The following AKT3 variants were observed in gnomAD, a reference collection of about 807,000 sequenced individuals.
AKT3 encodes RAC-gamma serine/threonine-protein kinase.
In AKT3, 15 loss-of-function variants were observed where a neutral mutation model predicts 65.3. That is an observed-to-expected ratio of 0.23 (90% CI 0.15 to 0.35). The LOEUF (loss-of-function observed/expected upper bound fraction) is 0.35. Among genes scored for constraint, AKT3 ranks in the 10% least tolerant of loss-of-function variants. The probability of loss-of-function intolerance (pLI) is 1.00; values close to 1 mark genes in which losing one functional copy is unlikely to be tolerated. For missense variants in AKT3, 243 were observed against 576.5 expected, an observed-to-expected ratio of 0.42 and a Z score of 5.92; for synonymous variants, 206 against 183.8, an observed-to-expected ratio of 1.12 and a Z score of -0.98.
intron 2 of AKT3, among the ~76,000 whole-genome samples, chr1:243,770,545 T>C (rs781333723): frequency 2.6e-5 from 4 of 152,090 alleles, no homozygotes; most frequent in Admixed American, 6.6e-5. Context: ...AAGACAGAGA[T>C]AGGCATGTAT....
intron 3 of AKT3, among the ~76,000 whole-genome samples, chr1:243,680,047 G>A (rs1227392507): frequency 2.0e-5 from 3 of 152,100 alleles, no homozygotes; most frequent in African/African-American, 7.2e-5. Flanking sequence ...CTTTATCAGT[G>A]TGCTTTTGGA....
intron 2 of AKT3, among the ~76,000 whole-genome samples, chr1:243,725,159 T>C (rs995363272): frequency 4.0e-5 from 6 of 151,072 alleles, no homozygotes; most frequent in African/African-American, 1.5e-4. Context: ...ATAAGGCCAC[T>C]GCATTCCAGC....
At position 243,649,862 on chromosome 1, in the gene AKT3, C is replaced by T. The variant is rs183758330; in HGVS notation, c.285-3825G>A. Reference sequence around the variant, plus strand: ...AAGTCTTTGCTATTGTGAATAGTGCCGCAATAAACATACGTGTGCATGTGT... The same window carrying T: ...AAGTCTTTGCTATTGTGAATAGTGCTGCAATAAACATACGTGTGCATGTGT... On this transcript the variant is annotated intron_variant, in intron 4 of 13. Transcript: ENST00000673466. Among the ~76,000 whole-genome samples the T allele has an allele frequency of 9.4e-4, 143 of 152,132 alleles. 1 individual carries two copies. Among genetic ancestry groups the T allele is most frequent in the South Asian group, 2.3e-3 (11 of 4,798 alleles).
chr1:243,737,047 G>A (rs1414729115), intron 2 of AKT3, among the ~76,000 whole-genome samples: 3 of 152,072 alleles, frequency 2.0e-5, no homozygotes, highest in African/African-American at 7.3e-5. Flanking sequence ...CCAGAAAGGT[G>A]CAAGAGTCCT....
At chr1:243,710,145 T>C (rs978645130) in intron 2 of AKT3, among the ~76,000 whole-genome samples, 2 of 152,164 alleles carry the variant, frequency 1.3e-5, no homozygotes, top group Admixed American at 6.5e-5. Flanking sequence ...AATTCAAATA[T>C]ACATTAAAGC....
chr1:243,639,618 T>A (rs1205733770), intron 5 of AKT3, among the ~76,000 whole-genome samples: 1 of 152,192 alleles, frequency 6.6e-6, no homozygotes, highest in Non-Finnish European at 1.5e-5. Context: ...ACAAATGCCA[T>A]GACATATCGG....
chr1:243,551,815 TATGA>T (rs1467628027), intron 11 of AKT3, among the ~76,000 whole-genome samples: 5 of 152,124 alleles, frequency 3.3e-5, no homozygotes, highest in East Asian at 1.9e-4. Flanking sequence ...AATTTATAAA[TATGA>T]ATGAATGTAT....
At chr1:243,509,864 A>G (rs1669911662) in intron 13 of AKT3, among the ~76,000 whole-genome samples, 1 of 152,052 alleles carries the variant, frequency 6.6e-6, no homozygotes, top group Non-Finnish European at 1.5e-5. Flanking sequence ...CTGCTTTTCC[A>G]GGGGACAAAG....
intron 5 of AKT3, 95 bp from the exon 6 acceptor site, chr1:243,637,837 A>G (rs1680088595): frequency 3.9e-6 from 3 of 771,802 alleles, no homozygotes; most frequent in Non-Finnish European, 5.6e-6. Flanking sequence ...ACTCAAAACC[A>G]AATTTTACCA....
In AKT3 at chr1:243,552,288, C is replaced by CAAAAAA. The variant is rs33995513; in HGVS notation, c.1163+435_1163+440dup. ...TGGGTGGCAGAGTGAGACTCTGTCTCAAAAAAAAAAAAAAAAAAAAAAAAA... is the reference window on the plus strand; with the variant it reads ...TGGGTGGCAGAGTGAGACTCTGTCTCAAAAAAAAAAAAAAAAAAAAAAAAAAAAAAA... On this transcript the variant is annotated intron_variant, in intron 11 of 13. Transcript: ENST00000673466. Among the ~76,000 whole-genome samples, 223 of 50,152 alleles carry CAAAAAA rather than the reference C, an allele frequency of 4.4e-3. 61 individuals are homozygous for CAAAAAA. Among genetic ancestry groups the CAAAAAA allele is most frequent in the African/African-American group, 9.1e-3 (91 of 9,964 alleles). The allele number at this position is 50,152 out of a possible 152,430, so 32.9% of individuals were successfully genotyped here. A position where few individuals can be genotyped will look rare whatever the true frequency, so the allele number is the denominator to read the frequency against.
intron 2 of AKT3, among the ~76,000 whole-genome samples, chr1:243,728,505 T>C (rs900276716): frequency 3.9e-5 from 6 of 152,230 alleles, no homozygotes; most frequent in African/African-American, 2.4e-5. Flanking sequence ...TGTGAACTTA[T>C]GGTGTGCTAA....
intron 6 of AKT3, among the ~76,000 whole-genome samples, chr1:243,633,053 C>G (rs1249305074): frequency 2.0e-5 from 3 of 152,108 alleles, no homozygotes; most frequent in African/African-American, 7.2e-5. Flanking sequence ...ATAAGATTAT[C>G]GAAGATTTCT....
At chr1:243,508,590 G>A (rs180863918) in intron 13 of AKT3, among the ~76,000 whole-genome samples, 10 of 150,312 alleles carry the variant, frequency 6.7e-5, no homozygotes, top group Middle Eastern at 3.5e-3. Flanking sequence ...TCTCGTTTCC[G>A]TACTGTCCAG....
At chr1:243,814,639 A>T (rs984432025) in intron 2 of AKT3, 2 of 152,206 alleles carry the variant, frequency 1.3e-5, no homozygotes, top group Non-Finnish European at 2.9e-5. Flanking sequence ...GTTCTCCCCC[A>T]ACCCCACTAC....
intron 8 of AKT3, among the ~76,000 whole-genome samples, chr1:243,594,860 A>G (rs979673588): frequency 1.3e-5 from 2 of 152,184 alleles, no homozygotes; most frequent in Admixed American, 1.3e-4. Context: ...GATTACAGGT[A>G]TAAGCCCCCA....
chr1:243,649,614 C>A (rs574627132), intron 4 of AKT3, among the ~76,000 whole-genome samples: 46 of 152,094 alleles, frequency 3.0e-4, no homozygotes, highest in African/African-American at 1.1e-3. Context: ...CTCCCTGTGT[C>A]CATGTGTTCT....
chr1:243,550,749 T>C (rs559593760), intron 11 of AKT3, among the ~76,000 whole-genome samples: 1 of 124,796 alleles, frequency 8.0e-6, no homozygotes, highest in South Asian at 2.7e-4. Context: ...ATGGAGACCA[T>C]CCTGGCCAAC....
At chr1:243,659,124 T>C (rs981087674) in intron 4 of AKT3, among the ~76,000 whole-genome samples, 4 of 152,186 alleles carry the variant, frequency 2.6e-5, no homozygotes, top group Admixed American at 2.6e-4. Context: ...TGCTGTAACA[T>C]GGATTAACTT....
At chr1:243,647,904 A>T (rs1025785778) in intron 4 of AKT3, among the ~76,000 whole-genome samples, 3 of 152,204 alleles carry the variant, frequency 2.0e-5, no homozygotes, top group African/African-American at 7.2e-5. Context: ...TTACTTAATC[A>T]ACTAAGTTCT....
Sources: gnomAD v4.1 joint callset for allele counts (sites outside exome capture counted in the v4.1 genomes callset) on GRCh38, gnomAD v4.1.1 for gene constraint, MANE v1.5 for transcripts, NCBI Gene and HGNC (gene_info 2026-07-23, HGNC 2026-07-21) for gene names.